The following NALF1 variants were observed in gnomAD, a reference collection of about 807,000 sequenced individuals.
The protein encoded by NALF1 is NALCN channel auxiliary factor 1.
In NALF1, 3 loss-of-function variants were observed where a neutral mutation model predicts 48.4. That is an observed-to-expected ratio of 0.06 (90% CI 0.03 to 0.16). NALF1 has a LOEUF of 0.16. Ranked by LOEUF, NALF1 falls within the 10% of genes least tolerant of loss-of-function variation. The pLI, the probability that NALF1 is intolerant of heterozygous loss-of-function variation, is 1.00. For synonymous variants in NALF1, 262 were observed against 245.7 expected (o/e 1.07, Z -0.62); for missense variants, 526 against 571.5 (o/e 0.92, Z 0.81).
At chr13:107,816,394 A>G (rs370378393) in intron 1 of NALF1, among the ~76,000 whole-genome samples, 1 of 152,212 alleles carries the variant, frequency 6.6e-6, no homozygotes, top group African/African-American at 2.4e-5. Context: ...GGTGGAAGGC[A>G]AAAGGCACTT....
At chr13:107,286,542 T>C (rs2138877829) in intron 1 of NALF1, among the ~76,000 whole-genome samples, 1 of 134,048 alleles carries the variant, frequency 7.5e-6, no homozygotes, top group African/African-American at 2.8e-5. Flanking sequence ...GAGTCTGAGG[T>C]GGGAGGATGG....
chr13:107,269,459 T>C (rs1881110533), intron 1 of NALF1, among the ~76,000 whole-genome samples: 1 of 152,174 alleles, frequency 6.6e-6, no homozygotes, highest in African/African-American at 2.4e-5. Context: ...GTATGATTGA[T>C]TGTGGAAAGG....
At chr13:107,464,681 T>G (rs149628025) in intron 1 of NALF1, among the ~76,000 whole-genome samples, 136 of 152,152 alleles carry the variant, frequency 8.9e-4, no homozygotes, top group African/African-American at 3.2e-3. Context: ...CAGCTACGCC[T>G]GGCAAATTTT....
intron 1 of NALF1, among the ~76,000 whole-genome samples, chr13:107,751,154 T>A (rs1275299269): frequency 1.3e-5 from 2 of 152,248 alleles, no homozygotes; most frequent in African/African-American, 4.8e-5. Context: ...TTTGTAGGCA[T>A]AGGAGGTTTC....
intron 1 of NALF1, among the ~76,000 whole-genome samples, chr13:107,765,124 T>C (rs952664757): frequency 6.6e-6 from 1 of 152,140 alleles, no homozygotes. Flanking sequence ...AAAGAAAATA[T>C]GTTGCTAGGA....
At chr13:107,368,546 C>T (rs1201879475) in intron 1 of NALF1, among the ~76,000 whole-genome samples, 1 of 152,190 alleles carries the variant, frequency 6.6e-6, no homozygotes, top group East Asian at 1.9e-4. Context: ...CACTCTTCGT[C>T]TCTTCTGGCG....
intron 2 of NALF1, among the ~76,000 whole-genome samples, chr13:107,189,251 A>C (rs1879234912): frequency 6.6e-6 from 1 of 152,234 alleles, no homozygotes; most frequent in Admixed American, 6.5e-5. Flanking sequence ...AGCCAAAGAG[A>C]ATATAGTCTA....
intron 1 of NALF1, among the ~76,000 whole-genome samples, chr13:107,829,477 C>T (rs1879641858): frequency 6.6e-6 from 1 of 151,922 alleles, no homozygotes; most frequent in South Asian, 2.1e-4. Context: ...TTTTGGATCT[C>T]ATGATTTTTT....
chr13:107,381,989 T>G (rs910281057), intron 1 of NALF1, among the ~76,000 whole-genome samples: 1 of 151,802 alleles, frequency 6.6e-6, no homozygotes, highest in African/African-American at 2.4e-5. Flanking sequence ...ATAACAGGAG[T>G]CATCTGCAAA....
intron 1 of NALF1, among the ~76,000 whole-genome samples, chr13:107,755,953 T>C (rs1877081030): frequency 6.6e-6 from 1 of 152,198 alleles, no homozygotes; most frequent in African/African-American, 2.4e-5. Flanking sequence ...TGATAACTAA[T>C]GACACAGAGG....
At chr13:107,734,166 G>A (rs897976953) in intron 1 of NALF1, among the ~76,000 whole-genome samples, 2 of 151,972 alleles carry the variant, frequency 1.3e-5, no homozygotes, top group African/African-American at 4.8e-5. Context: ...TAATCTTATG[G>A]GCACACCACT....
chr13:107,352,672 C>T (rs1295306760), intron 1 of NALF1, among the ~76,000 whole-genome samples: 1 of 152,176 alleles, frequency 6.6e-6, no homozygotes, highest in Non-Finnish European at 1.5e-5. Flanking sequence ...CTCAAAGCCC[C>T]ACGTTCTAAT....
chr13:107,594,194 T>A (rs1490990558), intron 1 of NALF1, among the ~76,000 whole-genome samples: 1 of 152,056 alleles, frequency 6.6e-6, no homozygotes, highest in Non-Finnish European at 1.5e-5. Context: ...AAATCCCAAG[T>A]CTGCGTTGTC....
chr13:107,679,183 T>G (rs1030845402), intron 1 of NALF1, among the ~76,000 whole-genome samples: 1 of 152,204 alleles, frequency 6.6e-6, no homozygotes, highest in Non-Finnish European at 1.5e-5. Context: ...CATCTAAAAT[T>G]TAATGTATAA....
chr13:107,609,422 G>GCC (rs952246168), intron 1 of NALF1, among the ~76,000 whole-genome samples: 7 of 152,174 alleles, frequency 4.6e-5, no homozygotes, highest in African/African-American at 1.7e-4. Flanking sequence ...ACTCTGGGCG[G>GCC]CCCCAGTCAG....
chr13:107,683,661 T>A (rs959545216), intron 1 of NALF1, among the ~76,000 whole-genome samples: 1 of 152,190 alleles, frequency 6.6e-6, no homozygotes, highest in Non-Finnish European at 1.5e-5. Flanking sequence ...GAAAGTTGAA[T>A]GCTGGGGTCC....
chr13:107,603,314 T>A (rs557748414), intron 1 of NALF1, among the ~76,000 whole-genome samples: 1 of 152,306 alleles, frequency 6.6e-6, no homozygotes, highest in African/African-American at 2.4e-5. Flanking sequence ...AGGTAACAAT[T>A]CATTTCCTAA....
intron 1 of NALF1, among the ~76,000 whole-genome samples, chr13:107,556,816 G>A (rs1257634463): frequency 6.6e-6 from 1 of 152,116 alleles, no homozygotes; most frequent in Non-Finnish European, 1.5e-5. Context: ...CTGCTTATCT[G>A]TCAAGTGTTT....
chr13:107,394,514 A>C (rs1474813705), intron 1 of NALF1, among the ~76,000 whole-genome samples: 2 of 152,208 alleles, frequency 1.3e-5, no homozygotes, highest in African/African-American at 4.8e-5. Flanking sequence ...GGGCCATCAC[A>C]GGCCTGTGTA....
Sources: allele counts gnomAD v4.1 joint callset (sites outside exome capture counted in the v4.1 genomes callset), GRCh38; gene constraint gnomAD v4.1.1; transcripts MANE v1.5; gene names NCBI Gene and HGNC (gene_info 2026-07-23, HGNC 2026-07-21).